Variants in ACSL4 observed in about 807,000 individuals in gnomAD.
The protein encoded by ACSL4 is long-chain-fatty-acid--CoA ligase 4.
In ACSL4, 9 loss-of-function variants were observed where a neutral mutation model predicts 49.1. The observed-to-expected ratio is 0.18, with a 90% confidence interval of 0.11 to 0.32. The LOEUF is 0.32. Ranked by LOEUF, ACSL4 falls within the 10% of genes least tolerant of loss-of-function variation. ACSL4 has a pLI of 1.00. For synonymous variants in ACSL4, 191 were observed against 170.3 expected (o/e 1.12, Z -0.95); for missense variants, 333 against 493.7 (o/e 0.67, Z 3.08).
intron 1 of ACSL4, among the ~76,000 whole-genome samples, chrX:109,731,922 A>G (rs962902043): frequency 1.8e-5 from 2 of 112,647 alleles, no homozygotes; most frequent in African/African-American, 6.4e-5. Context: ...ACGTATCAAG[A>G]ACATTTAAAA....
At chrX:109,685,823 G>A (rs1200143191) in intron 2 of ACSL4, among the ~76,000 whole-genome samples, 4 of 108,827 alleles carry the variant, frequency 3.7e-5, no homozygotes, top group Admixed American at 3.0e-4. Flanking sequence ...GAATGAGAAC[G>A]AGGAACCCAA....
At position 109,668,030 on chromosome X, in the gene ACSL4, C is replaced by T. The variant is rs115092395; in HGVS notation, c.1315+71G>A. On this transcript the variant is annotated intron_variant, in intron 11 of 15. Coordinates refer to ENST00000672401, the MANE Select transcript of ACSL4 (RefSeq NM_001318510.2). Reference sequence around the variant, plus strand: ...AGGTATTTTAAAGTTACCATGGTTTCCAAAGGTAATGCGAATGTATTTTAT... The same window carrying T: ...AGGTATTTTAAAGTTACCATGGTTTTCAAAGGTAATGCGAATGTATTTTAT... 1,516 of 807,530 alleles carry T rather than the reference C, an allele frequency of 1.9e-3. 14 individuals carry two copies. In the African/African-American group the frequency reaches 0.028, roughly 15 times the overall value. The allele number at this position is 807,530 out of a possible 1,213,427, so 66.5% of individuals were successfully genotyped here.
chrX:109,678,393 T>G lies in ACSL4; in HGVS notation c.678A>C (p.Pro226=), dbSNP rs1362807332. 1.7e-6 allele frequency: 2 copies of G among 1,210,618 alleles called. No individual in the cohort carries two copies. The highest frequency in any genetic ancestry group is 3.5e-5 in the African/African-American group (2 of 57,357). ...PENLGIPPSR[P]TPSDMAIVMY... ...TAACAATGGCCATGTCTGAAGGCGT[T>G]GGTCTACTTGGAGGAATGCCCACTA... The change falls in exon 7 of 16, where the codon CCA becomes CCC. Residue 226 remains proline (P), a synonymous_variant. Coordinates refer to ENST00000672401, the MANE Select transcript of ACSL4 (RefSeq NM_001318510.2).
chrX:109,719,289 A>G (rs923932619), intron 1 of ACSL4, among the ~76,000 whole-genome samples: 11 of 111,465 alleles, frequency 9.9e-5, no homozygotes, highest in Non-Finnish European at 1.3e-4. Context: ...GAGATAAGAC[A>G]GGGGTTAGGG....
chrX:109,683,055 A>G lies in ACSL4; in HGVS notation c.228+81T>C, dbSNP rs946544453. On this transcript the variant is annotated intron_variant, in intron 3 of 15. Transcript: ENST00000672401. Reference sequence around the variant, plus strand: ...CAGCACTATAATAGAATGCCAGCATACTTAAAACGCACTCGATTTATGATA... The same window carrying G: ...CAGCACTATAATAGAATGCCAGCATGCTTAAAACGCACTCGATTTATGATA... The G allele has an allele frequency of 1.0e-5, 11 of 1,073,738 alleles. No individual in the cohort carries two copies. In the African/African-American group the frequency reaches 2.0e-4, roughly 20 times the overall value. The allele number at this position is 1,073,738 out of a possible 1,213,427, so 88.5% of individuals were successfully genotyped here.
rs1170822627 is a variant in ACSL4 at position 109,683,339 on chromosome X, G to A, written c.25C>T (p.Pro9Ser). 1 of 1,211,825 alleles carries A rather than the reference G, an allele frequency of 8.3e-7. No individual in the cohort carries two copies. The highest frequency in any genetic ancestry group is 1.1e-6 in the Non-Finnish European group (1 of 895,547). The change falls in exon 3 of 16, where the codon CCC becomes TCC. Residue 9 changes from proline to serine, a missense_variant. Transcript: ENST00000672401. MAKRIKAK[P>S]TSDKPGSPYR... ...GGACTTCCAGGTTTGTCTGAAGTGGGCTTAGCTTTTATTCTCTTTGCCATA... is the reference window on the plus strand; with the variant it reads ...GGACTTCCAGGTTTGTCTGAAGTGGACTTAGCTTTTATTCTCTTTGCCATA...
intron 1 of ACSL4, among the ~76,000 whole-genome samples, chrX:109,718,199 A>C (rs1927269139): frequency 8.9e-6 from 1 of 112,623 alleles, no homozygotes; most frequent in Non-Finnish European, 1.9e-5. Context: ...ATATGACCTT[A>C]ATGTTACAAT....
In ACSL4 at chrX:109,649,988, C is replaced by T. The variant is rs1194470422; in HGVS notation, c.1856-5802G>A. On this transcript the variant is annotated intron_variant, in intron 15 of 15. Transcript: ENST00000672401. Reference sequence around the variant, plus strand: ...AAAACCACAATGAGATACCATCTCACACCAGTTAGAATGGCAATCATTAAA... The same window carrying T: ...AAAACCACAATGAGATACCATCTCATACCAGTTAGAATGGCAATCATTAAA... 6.4e-5 allele frequency among the ~76,000 whole-genome samples: 7 copies of T among 109,786 alleles called. No individual in the cohort carries two copies. In the East Asian group the frequency reaches 1.7e-3, roughly 27 times the overall value.
chrX:109,687,470 A>G (rs1924701422), intron 2 of ACSL4, among the ~76,000 whole-genome samples: 1 of 111,960 alleles, frequency 8.9e-6, no homozygotes, highest in African/African-American at 3.2e-5. Context: ...GCAAACTAAC[A>G]CAGGAACAGA....
chrX:109,731,782 G>A (rs1314582208), intron 1 of ACSL4, among the ~76,000 whole-genome samples: 1 of 111,664 alleles, frequency 9.0e-6, no homozygotes, highest in Non-Finnish European at 1.9e-5. Context: ...AGTCTTACAT[G>A]TCTTACACTT....
At chrX:109,648,324 C>A (rs2147358865) in intron 15 of ACSL4, among the ~76,000 whole-genome samples, 1 of 111,634 alleles carries the variant, frequency 9.0e-6, no homozygotes, top group Admixed American at 9.5e-5. Flanking sequence ...AGCTTATCCA[C>A]CATGATCAAG....
chrX:109,701,038 A>C (rs755159214), intron 1 of ACSL4, among the ~76,000 whole-genome samples: 3 of 111,426 alleles, frequency 2.7e-5, no homozygotes, highest in Non-Finnish European at 5.6e-5. Flanking sequence ...GCAAGACTCC[A>C]TCTCAAAATA....
chrX:109,723,733 G>C (rs1226763501), intron 1 of ACSL4, among the ~76,000 whole-genome samples: 1 of 112,214 alleles, frequency 8.9e-6, no homozygotes, highest in Non-Finnish European at 1.9e-5. Flanking sequence ...TATTTCCCTA[G>C]AATTGTTTTC....
chrX:109,729,294 A>G (rs1156824903), intron 1 of ACSL4, among the ~76,000 whole-genome samples: 2 of 112,545 alleles, frequency 1.8e-5, no homozygotes, highest in East Asian at 2.7e-4. Flanking sequence ...ACATGAACTG[A>G]TATTTCACTG....
At chrX:109,675,111 G>C (rs966816865) in intron 8 of ACSL4, among the ~76,000 whole-genome samples, 1 of 112,265 alleles carries the variant, frequency 8.9e-6, no homozygotes, top group Non-Finnish European at 1.9e-5. Flanking sequence ...ATATGTGCAA[G>C]GATGTGCACA....
At chrX:109,687,480 A>G (rs780223489) in intron 2 of ACSL4, among the ~76,000 whole-genome samples, 4 of 112,086 alleles carry the variant, frequency 3.6e-5, no homozygotes, top group South Asian at 7.4e-4. Flanking sequence ...ACAGGAACAG[A>G]AAACTTAACA....
intron 1 of ACSL4, among the ~76,000 whole-genome samples, chrX:109,710,715 AT>A (rs1043571824): frequency 9.0e-6 from 1 of 110,971 alleles, no homozygotes; most frequent in African/African-American, 3.3e-5. Flanking sequence ...TTAATTTTTA[AT>A]TTTTTTTGTT....
intron 1 of ACSL4, among the ~76,000 whole-genome samples, chrX:109,704,942 A>T (rs200540055): frequency 2.6e-3 from 285 of 107,605 alleles, no homozygotes; most frequent in African/African-American, 7.0e-3. Context: ...TCTCTCTCTC[A>T]CACACACACA....
chrX:109,647,532 A>G, intron 15 of ACSL4, among the ~76,000 whole-genome samples: 1 of 111,992 alleles, frequency 8.9e-6, no homozygotes, highest in African/African-American at 3.2e-5. Flanking sequence ...CAGTGTGTAG[A>G]TGGAAATTTA....
Sources: gnomAD v4.1 joint callset for allele counts (sites outside exome capture counted in the v4.1 genomes callset) on GRCh38, gnomAD v4.1.1 for gene constraint, MANE v1.5 for transcripts, NCBI Gene and HGNC (gene_info 2026-07-23, HGNC 2026-07-21) for gene names.